Variants in PTK2B observed in about 807,000 individuals in gnomAD.
The protein encoded by PTK2B is protein-tyrosine kinase 2-beta.
In PTK2B, 71 loss-of-function variants were observed where a neutral mutation model predicts 142.9. The ratio of observed to expected loss-of-function variants is 0.50; its 90% CI spans 0.41 to 0.61. The LOEUF is 0.61. Ranked by LOEUF, PTK2B falls within the 20% of genes least tolerant of loss-of-function variation. The pLI, the probability that PTK2B is intolerant of heterozygous loss-of-function variation, is 0.00. For missense variants in PTK2B, 1,105 were observed against 1,320.4 expected (o/e 0.84, Z 2.53); for synonymous variants, 519 against 503.4 (o/e 1.03, Z -0.42).
chr8:27,386,447 T>G (rs994669573), intron 1 of PTK2B, among the ~76,000 whole-genome samples: 1 of 152,074 alleles, frequency 6.6e-6, no homozygotes, highest in African/African-American at 2.4e-5. Flanking sequence ...TAAGTTTTTC[T>G]TTTTTTTCCC....
chr8:27,345,819 C>T (rs755969201), intron 1 of PTK2B, among the ~76,000 whole-genome samples: 5 of 152,078 alleles, frequency 3.3e-5, no homozygotes, highest in African/African-American at 4.8e-5. Context: ...TATATGTGCC[C>T]CAGATCCAGT....
intron 1 of PTK2B, among the ~76,000 whole-genome samples, chr8:27,373,217 T>C (rs993059158): frequency 6.6e-6 from 1 of 152,172 alleles, no homozygotes; most frequent in Admixed American, 6.5e-5. Flanking sequence ...AGCAGCATGC[T>C]GTGTTCTCTC....
chr8:27,317,316 G>A (rs907967780), intron 3 of PTK2B, among the ~76,000 whole-genome samples: 13 of 152,196 alleles, frequency 8.5e-5, no homozygotes, highest in African/African-American at 2.9e-4. Flanking sequence ...ATCATGTGAT[G>A]AAGGTGATTA....
At chr8:27,312,350 C>T (rs1440495533) in exon 2 of PTK2B, 1 of 152,148 alleles carries the variant, frequency 6.6e-6, no homozygotes, top group Non-Finnish European at 1.5e-5. Context: ...TCTTGTCTCT[C>T]CAAAGATCTG....
intron 1 of PTK2B, among the ~76,000 whole-genome samples, chr8:27,354,051 C>T (rs1805257816): frequency 6.6e-6 from 1 of 152,154 alleles, no homozygotes; most frequent in African/African-American, 2.4e-5. Context: ...GTGTCTGCCC[C>T]TCTGCCTCTG....
intron 27 of PTK2B, 178 bp downstream of exon 27, chr8:27,451,687 C>G: frequency 6.8e-7 from 1 of 1,459,992 alleles, no homozygotes; most frequent in South Asian, 1.4e-5. Flanking sequence ...TCCCTCCACC[C>G]CATTCCTCTC....
chr8:27,367,658 G>C (rs1290723038), intron 1 of PTK2B, among the ~76,000 whole-genome samples: 1 of 152,232 alleles, frequency 6.6e-6, no homozygotes, highest in Non-Finnish European at 1.5e-5. Flanking sequence ...TCATGGTTCT[G>C]CAGGCTGTGC....
intron 2 of PTK2B, among the ~76,000 whole-genome samples, chr8:27,403,019 G>T (rs1186309126): frequency 6.6e-6 from 1 of 152,242 alleles, no homozygotes; most frequent in Non-Finnish European, 1.5e-5. Flanking sequence ...GCAGTGTCCA[G>T]TTGGGAGTCT....
At chr8:27,420,903 C>G (rs747852027) in intron 4 of PTK2B, among the ~76,000 whole-genome samples, 159 bp downstream of exon 4, 1 of 152,194 alleles carries the variant, frequency 6.6e-6, no homozygotes, top group Non-Finnish European at 1.5e-5. Flanking sequence ...CTATGGTCCG[C>G]GGCTCCAACC....
intron 10 of PTK2B, among the ~76,000 whole-genome samples, chr8:27,433,129 C>T (rs185706402): frequency 2.2e-4 from 34 of 152,338 alleles, no homozygotes; most frequent in African/African-American, 7.9e-4. Flanking sequence ...GCCCAGCCCC[C>T]TCTTCCATTT....
intron 2 of PTK2B, among the ~76,000 whole-genome samples, chr8:27,417,559 C>T (rs982818647): frequency 6.6e-6 from 1 of 151,888 alleles, no homozygotes; most frequent in Non-Finnish European, 1.5e-5. Context: ...TGTATAGCTT[C>T]AATTTATGCA....
intron 23 of PTK2B, among the ~76,000 whole-genome samples, chr8:27,445,408 A>C (rs1173524813): frequency 6.6e-6 from 1 of 152,206 alleles, no homozygotes; most frequent in Non-Finnish European, 1.5e-5. Flanking sequence ...GCAAGAGCCT[A>C]TCTGAATTTT....
chr8:27,328,811 T>A (rs1803565782), intron 1 of PTK2B, among the ~76,000 whole-genome samples: 2 of 152,190 alleles, frequency 1.3e-5, no homozygotes, highest in South Asian at 4.1e-4. Context: ...GAGGGCAGTT[T>A]GGGGACCAAG....
Position 27,434,330 on chromosome 8 carries a change from T to G in PTK2B, c.1146-183T>G, listed in dbSNP as rs146589485. On this transcript the variant is annotated intron_variant, in intron 12 of 30. Transcript: ENST00000346049. ...GCCTTCATGCCACCTGGTGTTATCCTGGGGGGTTGCTGCTGTCCCCCAACT... is the reference window on the plus strand; with the variant it reads ...GCCTTCATGCCACCTGGTGTTATCCGGGGGGGTTGCTGCTGTCCCCCAACT... 3.6e-3 allele frequency among the ~76,000 whole-genome samples: 555 copies of G among 152,328 alleles called. 4 individuals carry two copies. Among genetic ancestry groups the G allele is most frequent in the African/African-American group, 0.012 (505 of 41,570 alleles).
Position 27,434,130 on chromosome 8 carries a change from G to A in PTK2B, c.1143G>A (p.Met381Ile). The A allele has an allele frequency of 6.2e-7, 1 of 1,613,936 alleles. No homozygotes were observed. The highest frequency in any genetic ancestry group is 2.2e-5 in the East Asian group (1 of 44,870). ...GGAACAGCCTGCCCCAGATCCCCAT[G>A]CTGTGAGTACAATGGGGTGCAGAGG... ...EKRNSLPQIPMLNLEARRSHL... is the reference protein window; with the variant it reads ...EKRNSLPQIPILNLEARRSHL... Residue 381 changes from methionine to isoleucine, a missense_variant and splice_region_variant, in exon 12 of 31, where the codon ATG (methionine) becomes ATA (isoleucine). Transcript: ENST00000346049.
At chr8:27,357,612 T>C (rs1407568002) in intron 1 of PTK2B, among the ~76,000 whole-genome samples, 1 of 152,206 alleles carries the variant, frequency 6.6e-6, no homozygotes, top group Non-Finnish European at 1.5e-5. Context: ...TCTCTCTCCT[T>C]TGTCAACTCT....
At chr8:27,402,673 A>G (rs1045517261) in intron 2 of PTK2B, among the ~76,000 whole-genome samples, 3 of 152,216 alleles carry the variant, frequency 2.0e-5, no homozygotes, top group Non-Finnish European at 4.4e-5. Flanking sequence ...TTCCTGGCCA[A>G]GAGTGAGACT....
chr8:27,414,786 T>TC (rs887897935), intron 2 of PTK2B, among the ~76,000 whole-genome samples: 1 of 151,996 alleles, frequency 6.6e-6, no homozygotes, highest in Non-Finnish European at 1.5e-5. Context: ...CTTTGCTCAC[T>TC]CCCCCCTTTG....
At chr8:27,326,248 G>GTGTGTGTGTGTGTT (rs1803412653) in intron 1 of PTK2B, among the ~76,000 whole-genome samples, 1 of 152,044 alleles carries the variant, frequency 6.6e-6, no homozygotes, top group Non-Finnish European at 1.5e-5. Context: ...GTGTGTGTGT[G>GTGTGTGTGTGTGTT]TGTGTGTGTG....
Sources: allele counts gnomAD v4.1 joint callset (sites outside exome capture counted in the v4.1 genomes callset), GRCh38; gene constraint gnomAD v4.1.1; transcripts MANE v1.5; gene names NCBI Gene and HGNC (gene_info 2026-07-23, HGNC 2026-07-21).